The following SNTG1 variants were observed in gnomAD, a reference collection of about 807,000 sequenced individuals.
SNTG1 encodes the protein syntrophin gamma 1.
Under a neutral mutation model 74.7 loss-of-function variants are expected in SNTG1, and 39 were observed. That is an observed-to-expected ratio of 0.52 (90% CI 0.40 to 0.68). SNTG1 has a LOEUF of 0.68. SNTG1 is among the 30% of genes least tolerant of loss of function. The pLI is 0.00. For missense variants in SNTG1, 685 were observed against 609.5 expected, an observed-to-expected ratio of 1.12 and a Z score of -1.30; for synonymous variants, 254 against 217.1, an observed-to-expected ratio of 1.17 and a Z score of -1.49.
chr8:50,214,599 C>T (rs943586250), intron 2 of SNTG1, among the ~76,000 whole-genome samples: 6 of 151,992 alleles, frequency 3.9e-5, no homozygotes, highest in Admixed American at 2.0e-4. Context: ...AAATACATTT[C>T]GTGCACTCAT....
intron 17 of SNTG1, among the ~76,000 whole-genome samples, chr8:50,730,081 AG>A (rs1390169985): frequency 6.6e-6 from 1 of 152,216 alleles, no homozygotes; most frequent in East Asian, 1.9e-4. Context: ...TCAGTTTCAG[AG>A]GAGACTGGAA....
chr8:50,117,142 T>G (rs1296300785), intron 1 of SNTG1, among the ~76,000 whole-genome samples: 1 of 151,976 alleles, frequency 6.6e-6, no homozygotes, highest in Non-Finnish European at 1.5e-5. Flanking sequence ...TTGAAAAAGT[T>G]CTAATCACTC....
At chr8:50,264,075 C>T (rs1379578277) in intron 2 of SNTG1, among the ~76,000 whole-genome samples, 1 of 151,972 alleles carries the variant, frequency 6.6e-6, no homozygotes, top group African/African-American at 2.4e-5. Context: ...TAAGCATTCT[C>T]GAATAAACAA....
intron 2 of SNTG1, among the ~76,000 whole-genome samples, chr8:50,203,078 C>T (rs1312194974): frequency 4.6e-5 from 7 of 151,944 alleles, no homozygotes; most frequent in African/African-American, 1.7e-4. Flanking sequence ...TCTCCTTCTT[C>T]CTCTTCATTA....
intron 18 of SNTG1, among the ~76,000 whole-genome samples, chr8:50,754,600 G>C (rs537333797): frequency 7.2e-5 from 11 of 151,964 alleles, no homozygotes; most frequent in African/African-American, 2.6e-4. Context: ...AATTGTGCTA[G>C]AGGTTTTTCA....
At chr8:50,790,973 A>G (rs938604329) in intron 18 of SNTG1, among the ~76,000 whole-genome samples, 5 of 151,966 alleles carry the variant, frequency 3.3e-5, no homozygotes, top group African/African-American at 4.8e-5. Context: ...ACACTCAACT[A>G]TATTCTCCTC....
intron 3 of SNTG1, among the ~76,000 whole-genome samples, chr8:50,399,975 T>C (rs947277220): frequency 6.6e-6 from 1 of 152,196 alleles, no homozygotes; most frequent in Non-Finnish European, 1.5e-5. Context: ...ACATCATACC[T>C]TTTACAAAAT....
intron 2 of SNTG1, among the ~76,000 whole-genome samples, chr8:50,393,918 G>C (rs1454980444): frequency 6.6e-6 from 1 of 152,240 alleles, no homozygotes; most frequent in African/African-American, 2.4e-5. Flanking sequence ...AGGTTGATCT[G>C]ATGATACATG....
In SNTG1 at chr8:50,760,714, A is replaced by G. The variant is rs538601937; in HGVS notation, c.1395+8603A>G. Among the ~76,000 whole-genome samples, 89 of 152,142 alleles carry G rather than the reference A, an allele frequency of 5.8e-4. 1 individual carries two copies. The highest frequency in any genetic ancestry group is 3.3e-3 in the Admixed American group (51 of 15,272). On this transcript the variant is annotated intron_variant, in intron 18 of 18. Coordinates refer to ENST00000642720, the MANE Select transcript of SNTG1 (RefSeq NM_018967.5). ...ATATCACCACTGATCACACAGAAAT[A>G]CAAGCTACCCTCAGAGAATACTATA... is the stretch of plus-strand genomic sequence containing the variant.
At chr8:50,558,255 CA>C (rs2094467786) in intron 12 of SNTG1, among the ~76,000 whole-genome samples, 2 of 152,186 alleles carry the variant, frequency 1.3e-5, no homozygotes, top group African/African-American at 2.4e-5. Flanking sequence ...GCTGCATGGC[CA>C]GGGGGGCCTT....
At chr8:50,462,659 C>T (rs560100036) in intron 8 of SNTG1, among the ~76,000 whole-genome samples, 12 of 152,182 alleles carry the variant, frequency 7.9e-5, no homozygotes, top group South Asian at 2.1e-4. Context: ...ATTTCAAGAA[C>T]GTTCACAGCA....
At chr8:50,583,020 G>A (rs1250195760) in intron 12 of SNTG1, among the ~76,000 whole-genome samples, 1 of 152,030 alleles carries the variant, frequency 6.6e-6, no homozygotes, top group African/African-American at 2.4e-5. Context: ...TATATTTTAT[G>A]TTCTTAAAAA....
At chr8:50,327,695 A>T (rs772771563) in intron 2 of SNTG1, among the ~76,000 whole-genome samples, 33 of 152,014 alleles carry the variant, frequency 2.2e-4, no homozygotes, top group Non-Finnish European at 4.0e-4. Flanking sequence ...TATAATATTT[A>T]TTGTTATTTC....
At chr8:50,369,467 A>G (rs956254460) in intron 2 of SNTG1, among the ~76,000 whole-genome samples, 1 of 152,044 alleles carries the variant, frequency 6.6e-6, no homozygotes, top group Non-Finnish European at 1.5e-5. Context: ...GTGGTAGTGC[A>G]TGCCTGTAAT....
At chr8:50,150,055 CCT>C (rs1034822333) in intron 1 of SNTG1, among the ~76,000 whole-genome samples, 5 of 150,688 alleles carry the variant, frequency 3.3e-5, no homozygotes, top group African/African-American at 1.2e-4. Flanking sequence ...TTGTTTGTAT[CCT>C]CTTTTTTTCA....
intron 17 of SNTG1, among the ~76,000 whole-genome samples, chr8:50,729,954 G>C (rs10111045): frequency 0.56 from 85,448 of 151,934 alleles, 26,195 homozygotes; most frequent in Non-Finnish European, 0.67. Flanking sequence ...CGAGCAGCTG[G>C]GAGATGGGAG....
intron 1 of SNTG1, among the ~76,000 whole-genome samples, chr8:50,088,519 C>T (rs375134267): frequency 1.5e-5 from 2 of 132,184 alleles, no homozygotes; most frequent in African/African-American, 5.3e-5. Flanking sequence ...TTGTCTCAGC[C>T]CAAAATCTCC....
Position 50,625,703 on chromosome 8 carries a change from A to G in SNTG1, c.850-31206A>G, listed in dbSNP as rs1392344703. Among the ~76,000 whole-genome samples the G allele has an allele frequency of 2.0e-5, 3 of 152,228 alleles. No homozygotes were observed. In the East Asian group the frequency reaches 5.8e-4, roughly 29 times the overall value. ...CCCATCACTTTGTTTCAGTATGACAAAAAGTATTCAATTCTTGCTTTTAAA... is the reference window on the plus strand; with the variant it reads ...CCCATCACTTTGTTTCAGTATGACAGAAAGTATTCAATTCTTGCTTTTAAA... On this transcript the variant is annotated intron_variant, in intron 13 of 18. Transcript: ENST00000642720.
At chr8:50,291,036 A>G (rs1272627317) in intron 2 of SNTG1, among the ~76,000 whole-genome samples, 3 of 152,246 alleles carry the variant, frequency 2.0e-5, no homozygotes, top group African/African-American at 7.2e-5. Context: ...GACTGCAGAC[A>G]TTGACCACCC....
Sources: allele counts gnomAD v4.1 joint callset (sites outside exome capture counted in the v4.1 genomes callset), GRCh38; gene constraint gnomAD v4.1.1; transcripts MANE v1.5; gene names NCBI Gene and HGNC (gene_info 2026-07-23, HGNC 2026-07-21).